The following PAG1 variants were observed in gnomAD, a reference collection of about 807,000 sequenced individuals.
PAG1 encodes phosphoprotein membrane anchor with glycosphingolipid microdomains 1.
PAG1 carries 23 observed loss-of-function variants against 31.7 expected under a neutral mutation model. That is an observed-to-expected ratio of 0.73 (90% CI 0.52 to 1.03). The LOEUF is 1.03. Ranked by LOEUF, PAG1 falls within the 50% of genes least tolerant of loss-of-function variation. PAG1 has a pLI of 0.00. For synonymous variants in PAG1, 214 were observed against 210.3 expected (o/e 1.02, Z -0.15); for missense variants, 473 against 540.7 (o/e 0.87, Z 1.24).
chr8:81,052,718 T>G (rs1808753565), intron 2 of PAG1, among the ~76,000 whole-genome samples: 1 of 152,256 alleles, frequency 6.6e-6, no homozygotes, highest in African/African-American at 2.4e-5. Flanking sequence ...GATTATTTTG[T>G]GTGAACAAAC....
intron 3 of PAG1, among the ~76,000 whole-genome samples, chr8:80,997,474 G>C (rs960631604): frequency 2.6e-5 from 4 of 152,116 alleles, no homozygotes; most frequent in African/African-American, 9.7e-5. Context: ...GTCTTGCTAT[G>C]TTGCCAGGCC....
intron 2 of PAG1, among the ~76,000 whole-genome samples, chr8:81,033,484 C>T (rs1808413011): frequency 6.6e-6 from 1 of 152,172 alleles, no homozygotes; most frequent in Non-Finnish European, 1.5e-5. Flanking sequence ...AAATCCCATA[C>T]CTTCAATATT....
chr8:80,967,995 G>A lies in PAG1; in HGVS notation c.*8549C>T, dbSNP rs1034428062. 2 of 135,962 alleles carry A rather than the reference G, an allele frequency of 1.5e-5. No individual in the cohort carries two copies. Among genetic ancestry groups the A allele is most frequent in the African/African-American group, 2.9e-5 (1 of 34,670 alleles). 8.4% of individuals were successfully genotyped at this position (135,962 alleles called of 1,614,324 possible). On this transcript the variant is annotated 3_prime_UTR_variant, in exon 9 of 9. Coordinates refer to ENST00000220597, the MANE Select transcript of PAG1 (RefSeq NM_018440.4). Reference sequence around the variant, plus strand: ...TCCAGTCTTTTCTGGATATTCAATTGAAATACTACTGGCAGAAACATACGA... The same window carrying A: ...TCCAGTCTTTTCTGGATATTCAATTAAAATACTACTGGCAGAAACATACGA...
chr8:81,034,715 G>T (rs1279880402), intron 2 of PAG1, among the ~76,000 whole-genome samples: 1 of 152,206 alleles, frequency 6.6e-6, no homozygotes, highest in African/African-American at 2.4e-5. Flanking sequence ...GCCATGCAGA[G>T]CAAGTCCAAT....
chr8:80,995,028 A>G (rs903999332), intron 3 of PAG1, among the ~76,000 whole-genome samples: 2 of 152,222 alleles, frequency 1.3e-5, no homozygotes, highest in Non-Finnish European at 2.9e-5. Flanking sequence ...TTCGCAGCAA[A>G]CCAGGGTGCC....
chr8:80,984,519 G>A (rs558207779), intron 7 of PAG1, among the ~76,000 whole-genome samples: 2 of 152,242 alleles, frequency 1.3e-5, no homozygotes, highest in East Asian at 3.9e-4. Context: ...AACAAGATTT[G>A]GCCCTAATTA....
chr8:81,092,822 G>A (rs961344401), intron 1 of PAG1, among the ~76,000 whole-genome samples: 1 of 152,140 alleles, frequency 6.6e-6, no homozygotes, highest in Non-Finnish European at 1.5e-5. Flanking sequence ...AACTAATGCC[G>A]ATTTCTTGTG....
At chr8:81,008,228 T>G (rs1807919952) in intron 3 of PAG1, among the ~76,000 whole-genome samples, 1 of 152,180 alleles carries the variant, frequency 6.6e-6, no homozygotes, top group Non-Finnish European at 1.5e-5. Context: ...ACATCACATA[T>G]TTTAGACCTT....
intron 1 of PAG1, among the ~76,000 whole-genome samples, chr8:81,095,393 A>G (rs892000302): frequency 6.6e-6 from 1 of 152,160 alleles, no homozygotes; most frequent in Non-Finnish European, 1.5e-5. Flanking sequence ...AAACCTGGCC[A>G]TGCTGCTTCC....
At chr8:81,060,009 A>C (rs905091026) in intron 2 of PAG1, among the ~76,000 whole-genome samples, 2 of 149,914 alleles carry the variant, frequency 1.3e-5, no homozygotes, top group Non-Finnish European at 3.0e-5. Flanking sequence ...AAAGAGTGAG[A>C]CTCCATCTAA....
intron 1 of PAG1, among the ~76,000 whole-genome samples, chr8:81,102,052 C>T (rs534471178): frequency 6.6e-6 from 1 of 152,194 alleles, no homozygotes; most frequent in Admixed American, 6.5e-5. Context: ...CCTGGATTAT[C>T]ATATTTGCAT....
At chr8:81,099,292 A>G (rs546164950) in intron 1 of PAG1, among the ~76,000 whole-genome samples, 2 of 152,326 alleles carry the variant, frequency 1.3e-5, no homozygotes, top group East Asian at 3.9e-4. Context: ...CCACATCTTG[A>G]GAGTATTTAT....
At chr8:81,009,473 G>C (rs778230000) in intron 3 of PAG1, among the ~76,000 whole-genome samples, 14 of 152,238 alleles carry the variant, frequency 9.2e-5, no homozygotes, top group East Asian at 3.9e-4. Flanking sequence ...CATAAGCTCT[G>C]ATCTCTAAAA....
intron 1 of PAG1, among the ~76,000 whole-genome samples, chr8:81,081,547 G>T (rs1057153602): frequency 6.6e-6 from 1 of 152,050 alleles, no homozygotes; most frequent in Non-Finnish European, 1.5e-5. Flanking sequence ...TATTACTCAT[G>T]TTGCCCTTCT....
intron 2 of PAG1, among the ~76,000 whole-genome samples, chr8:81,052,121 C>T (rs1808743175): frequency 6.8e-6 from 1 of 146,522 alleles, no homozygotes; most frequent in African/African-American, 2.5e-5. Context: ...CAGAGCGAGA[C>T]TCCATCTCAA....
In PAG1 at chr8:80,993,205, A is replaced by C. The variant is rs1480648492; in HGVS notation, c.23T>G (p.Leu8Arg). ...GGTGATCTGCATCTGTCCGCTGCCC[A>C]GCAGGCTCCCCGCGGGCCCCATGGC... Reference protein sequence around the residue: MGPAGSLLGSGQMQITLW... With the variant: MGPAGSLRGSGQMQITLW... The change falls in exon 4 of 9, where the codon CTG (leucine) becomes CGG (arginine). Residue 8 changes from leucine (L) to arginine (R), a missense_variant. By Grantham distance (102) the Leu-to-Arg change is moderately radical. Transcript: ENST00000220597. The C allele has an allele frequency of 6.2e-7, 1 of 1,611,308 alleles. No homozygotes were observed. The highest frequency in any genetic ancestry group is 8.5e-7 in the Non-Finnish European group (1 of 1,178,810).
At chr8:80,996,051 C>T (rs990998095) in intron 3 of PAG1, among the ~76,000 whole-genome samples, 4 of 152,246 alleles carry the variant, frequency 2.6e-5, no homozygotes, top group African/African-American at 7.2e-5. Flanking sequence ...ATTCTCACAG[C>T]GAACAGAATG....
At chr8:81,010,306 C>A (rs546954440) in intron 3 of PAG1, among the ~76,000 whole-genome samples, 1 of 152,156 alleles carries the variant, frequency 6.6e-6, no homozygotes. Flanking sequence ...TATCTGAGCT[C>A]ACACAACATA....
chr8:81,087,185 A>T (rs542095463), intron 1 of PAG1, among the ~76,000 whole-genome samples: 2 of 152,168 alleles, frequency 1.3e-5, no homozygotes, highest in Non-Finnish European at 2.9e-5. Flanking sequence ...TCTACTAAAA[A>T]TACAAAAATT....
Sources: gnomAD v4.1 joint callset for allele counts (sites outside exome capture counted in the v4.1 genomes callset) on GRCh38, gnomAD v4.1.1 for gene constraint, MANE v1.5 for transcripts, NCBI Gene and HGNC (gene_info 2026-07-23, HGNC 2026-07-21) for gene names.